TNFRSF11A: variants seen among roughly 807,000 people sequenced by gnomAD.
TNFRSF11A encodes TNF receptor superfamily member 11a, also known as tumor necrosis factor receptor superfamily member 11A.
Under a neutral mutation model 55.7 loss-of-function variants are expected in TNFRSF11A, and 32 were observed. That is an observed-to-expected ratio of 0.57 (90% confidence interval 0.43 to 0.77). The LOEUF is 0.77. Ranked by LOEUF, TNFRSF11A falls within the 30% of genes least tolerant of loss-of-function variation. The pLI is 0.00. For missense variants in TNFRSF11A, 753 were observed against 809.8 expected, an observed-to-expected ratio of 0.93 and a Z score of 0.85; for synonymous variants, 311 against 331.0, an observed-to-expected ratio of 0.94 and a Z score of 0.65.
intron 1 of TNFRSF11A, among the ~76,000 whole-genome samples, chr18:62,342,577 T>C (rs1018815556): frequency 6.6e-6 from 1 of 152,094 alleles, no homozygotes; most frequent in African/African-American, 2.4e-5. Context: ...TGGGACGTTT[T>C]CCTCACATTC....
In TNFRSF11A at chr18:62,369,289, G is replaced by A; in HGVS notation, c.1372G>A (p.Glu458Lys). 2 of 1,612,486 alleles carry A rather than the reference G, an allele frequency of 1.2e-6. No homozygotes were observed. Among genetic ancestry groups the A allele is most frequent in the South Asian group, 2.2e-5 (2 of 91,066 alleles). ...GCRNPPGEDC[E>K]PLVGSPKRGP... ...CCGGAACCCTCCTGGGGAGGACTGT[G>A]AACCCCTCGTGGGTTCCCCAAAACG... Residue 458 changes from glutamate to lysine, a missense_variant, in exon 9 of 10, where the codon GAA becomes AAA. Glu to Lys is a moderately conservative substitution (Grantham distance 56, BLOSUM62 1). Transcript: ENST00000586569.
In TNFRSF11A at chr18:62,361,889, A is replaced by T. The variant is rs34950264; in HGVS notation, c.730+96A>T. ...TGAGTAGATTGTCTACTTGCTGCCTATGGTGATCTGCTTAAACTAAAGCAA... is the reference window on the plus strand; with the variant it reads ...TGAGTAGATTGTCTACTTGCTGCCTTTGGTGATCTGCTTAAACTAAAGCAA... On this transcript the variant is annotated intron_variant, in intron 7 of 9. Transcript: ENST00000586569. 15 of 1,111,646 alleles carry T rather than the reference A, an allele frequency of 1.3e-5. No individual in the cohort carries two copies. The Admixed American group carries it at 2.1e-4, about 15-fold the overall frequency. 68.9% of individuals were successfully genotyped at this position (1,111,646 alleles called of 1,614,324 possible). A position where few individuals can be genotyped will look rare whatever the true frequency, so the allele number is the denominator to read the frequency against.
At chr18:62,360,190 A>T in intron 6 of TNFRSF11A, 141 bp downstream of exon 6, 1 of 696,746 alleles carries the variant, frequency 1.4e-6, no homozygotes, top group South Asian at 1.5e-5. Context: ...TGAATATTTC[A>T]TTCTCATCAG....
At chr18:62,370,995 A>G (rs1379628351) in intron 9 of TNFRSF11A, among the ~76,000 whole-genome samples, 4 of 151,790 alleles carry the variant, frequency 2.6e-5, no homozygotes, top group Non-Finnish European at 4.4e-5. Flanking sequence ...ACACCATGCT[A>G]ATTTTTGTAT....
intron 8 of TNFRSF11A, chr18:62,367,549 A>T (rs1372819587): frequency 6.6e-6 from 1 of 152,266 alleles, no homozygotes; most frequent in African/African-American, 2.4e-5. Flanking sequence ...GTATATGAAC[A>T]CAGGTATGTT....
In TNFRSF11A at chr18:62,383,922, T is replaced by C. The variant is rs1911465909; in HGVS notation, c.1568-829T>C. The stretch of plus-strand genomic sequence containing the variant: ...CTGAGCCCACGTGGCCCCATGATCC[T>C]CCAGGGCTGAGTTGTTAGGGACCAT... On this transcript the variant is annotated intron_variant, in intron 9 of 9. Coordinates refer to ENST00000586569, the MANE Select transcript of TNFRSF11A (RefSeq NM_003839.4). This position sits in a 1 kb window ranked among gnomAD's most constrained non-coding sequence, Gnocchi z 4.2. Among the ~76,000 whole-genome samples, 1 of 152,052 alleles carries C rather than the reference T, an allele frequency of 6.6e-6. No homozygotes were observed. The highest frequency in any genetic ancestry group is 2.4e-5 in the African/African-American group (1 of 41,388).
At chr18:62,381,486 G>T (rs1386932099) in intron 9 of TNFRSF11A, among the ~76,000 whole-genome samples, 1 of 152,192 alleles carries the variant, frequency 6.6e-6, no homozygotes, top group Non-Finnish European at 1.5e-5. Context: ...AAGAAGAGAT[G>T]AGAACGAATT....
At chr18:62,380,048 A>G (rs1044957743) in intron 9 of TNFRSF11A, among the ~76,000 whole-genome samples, 2 of 152,256 alleles carry the variant, frequency 1.3e-5, no homozygotes, top group Non-Finnish European at 2.9e-5. Context: ...GACATAACTG[A>G]CATAGCCCAG....
intron 9 of TNFRSF11A, among the ~76,000 whole-genome samples, chr18:62,379,916 T>C (rs948400067): frequency 1.3e-4 from 20 of 152,208 alleles, no homozygotes; most frequent in African/African-American, 3.9e-4. Flanking sequence ...ACTTCTGTAA[T>C]ATTGAAAAAT....
At chr18:62,346,632 C>T (rs925476029) in intron 1 of TNFRSF11A, among the ~76,000 whole-genome samples, 12 of 152,142 alleles carry the variant, frequency 7.9e-5, no homozygotes, top group African/African-American at 2.4e-4. Context: ...ACCTTCTCAT[C>T]GACCTCAGCC....
In TNFRSF11A at chr18:62,387,318, T is replaced by G. The variant is rs144974143; in HGVS notation, c.*2284T>G. 1.3e-5 allele frequency: 2 copies of G among 152,324 alleles called. No individual in the cohort carries two copies. Among genetic ancestry groups the G allele is most frequent in the East Asian group, 3.9e-4 (2 of 5,180 alleles). The allele number at this position is 152,324 out of a possible 1,614,324, so 9.4% of individuals were successfully genotyped here. On this transcript the variant is annotated 3_prime_UTR_variant, in exon 10 of 10. Coordinates refer to ENST00000586569, the MANE Select transcript of TNFRSF11A (RefSeq NM_003839.4). ...AGTCTGTGTCTGTGTACTGTAGAGATGTATGTGACAAGTGTAAACAAAATG... is the reference window on the plus strand; with the variant it reads ...AGTCTGTGTCTGTGTACTGTAGAGAGGTATGTGACAAGTGTAAACAAAATG...
intron 4 of TNFRSF11A, among the ~76,000 whole-genome samples, chr18:62,354,996 A>G (rs1270374570): frequency 6.6e-6 from 1 of 152,212 alleles, no homozygotes; most frequent in Non-Finnish European, 1.5e-5. Flanking sequence ...GTTACCAGGG[A>G]ATTATAACTG....
intron 1 of TNFRSF11A, among the ~76,000 whole-genome samples, chr18:62,344,304 G>A (rs543764667): frequency 5.9e-5 from 9 of 152,294 alleles, no homozygotes; most frequent in Admixed American, 2.0e-4. Flanking sequence ...AGACAACTGC[G>A]ATTCCAAAGC....
At chr18:62,362,244 A>G (rs1314372811) in intron 7 of TNFRSF11A, among the ~76,000 whole-genome samples, 1 of 152,164 alleles carries the variant, frequency 6.6e-6, no homozygotes, top group African/African-American at 2.4e-5. Context: ...TAATCCCAGC[A>G]CTTTGAGAGG....
chr18:62,369,263 GC>G lies in TNFRSF11A; in HGVS notation c.1348del (p.Arg450GlyfsTer76). 1.9e-6 allele frequency: 3 copies of G among 1,613,430 alleles called. No homozygotes were observed. The highest frequency in any genetic ancestry group is 2.5e-6 in the Non-Finnish European group (3 of 1,180,028). ...AACTGGGCAGATGTCTGCACAGGCT[GC>G]CGGAACCCTCCTGGGGAGGACTGTG... ...SPNWADVCTG[C>X]RNPPGEDCEP... On this transcript the variant is annotated frameshift_variant, in exon 9 of 10. Transcript: ENST00000586569. LOFTEE classifies it high-confidence loss of function.
intron 1 of TNFRSF11A, among the ~76,000 whole-genome samples, chr18:62,338,332 AG>A (rs2046263838): frequency 6.6e-6 from 1 of 152,248 alleles, no homozygotes; most frequent in South Asian, 2.1e-4. Flanking sequence ...TAGACCAAAA[AG>A]AACTGAAAAC....
Position 62,325,997 on chromosome 18 carries a change from A to G in TNFRSF11A, c.75+570A>G, listed in dbSNP as rs2046069182. ...GAGAGACTGCGCGCGCGCCCCGGGG[A>G]TGCTGGACTTGACCCTCGCAGACCC... On this transcript the variant is annotated intron_variant, in intron 1 of 9. Coordinates refer to ENST00000586569, the MANE Select transcript of TNFRSF11A (RefSeq NM_003839.4). The surrounding 1 kb of genome is among the most constrained non-coding windows in gnomAD (Gnocchi z 4.7). Among the ~76,000 whole-genome samples the G allele has an allele frequency of 6.6e-6, 1 of 152,136 alleles. No individual in the cohort carries two copies. The highest frequency in any genetic ancestry group is 2.1e-4 in the South Asian group (1 of 4,824).
chr18:62,351,835 C>T (rs1182642200), intron 3 of TNFRSF11A, among the ~76,000 whole-genome samples: 2 of 152,188 alleles, frequency 1.3e-5, no homozygotes, highest in Non-Finnish European at 2.9e-5. Context: ...CTTGCTCTGT[C>T]GCCCAAGCTG....
At chr18:62,330,431 A>C (rs950001661) in intron 1 of TNFRSF11A, among the ~76,000 whole-genome samples, 1 of 152,208 alleles carries the variant, frequency 6.6e-6, no homozygotes, top group Non-Finnish European at 1.5e-5. Context: ...GACTCGCATC[A>C]GAGTGGAGTG....
Sources: allele counts gnomAD v4.1 joint callset (sites outside exome capture counted in the v4.1 genomes callset), GRCh38; gene constraint gnomAD v4.1.1; non-coding constraint Gnocchi (gnomAD v3.1); transcripts MANE v1.5; gene names NCBI Gene and HGNC (gene_info 2026-07-23, HGNC 2026-07-21).